The following STAG1 variants were observed in gnomAD, a reference collection of about 807,000 sequenced individuals.
STAG1 encodes STAG1 cohesin complex component, also known as cohesin subunit SA-1.
In STAG1, 26 loss-of-function variants were observed where a neutral mutation model predicts 170.9. That is an observed-to-expected ratio of 0.15 (90% CI 0.11 to 0.21). The LOEUF is 0.21. STAG1 is among the 10% of genes least tolerant of loss of function. STAG1 has a pLI of 1.00. For synonymous variants in STAG1, 514 were observed against 497.7 expected (o/e 1.03, Z -0.44); for missense variants, 964 against 1,509.5 (o/e 0.64, Z 5.99).
intron 1 of STAG1, among the ~76,000 whole-genome samples, chr3:136,681,800 G>GA (rs891849859): frequency 2.0e-5 from 3 of 151,000 alleles, no homozygotes; most frequent in African/African-American, 2.4e-5. Flanking sequence ...CTCAATGCAG[G>GA]AAAAAAAATG....
chr3:136,692,038 G>A (rs1942742897), intron 1 of STAG1, among the ~76,000 whole-genome samples: 2 of 152,178 alleles, frequency 1.3e-5, no homozygotes, highest in Admixed American at 6.5e-5. Flanking sequence ...ATTACAGCCA[G>A]GGGCAGTGGC....
chr3:136,732,533 C>G (rs907715828), intron 1 of STAG1, among the ~76,000 whole-genome samples: 1 of 152,172 alleles, frequency 6.6e-6, no homozygotes, highest in African/African-American at 2.4e-5. Flanking sequence ...AATATGTTTA[C>G]TAAAAAGCAG....
chr3:136,338,623 CAG>C (rs927755103), intron 32 of STAG1, among the ~76,000 whole-genome samples, 173 bp from the exon 33 acceptor site: 12 of 152,248 alleles, frequency 7.9e-5, no homozygotes, highest in East Asian at 1.9e-4. Flanking sequence ...TAAAAACAAA[CAG>C]TACTTTTGGC....
chr3:136,675,045 A>C (rs941759008), intron 1 of STAG1, among the ~76,000 whole-genome samples: 1 of 152,222 alleles, frequency 6.6e-6, no homozygotes, highest in Non-Finnish European at 1.5e-5. Context: ...AAAAGTATTC[A>C]AGTTGGTTTC....
chr3:136,596,894 G>A (rs1489981655), intron 4 of STAG1, among the ~76,000 whole-genome samples: 1 of 152,068 alleles, frequency 6.6e-6, no homozygotes, highest in Non-Finnish European at 1.5e-5. Context: ...CCAACATAGG[G>A]AAACCTTGTC....
chr3:136,697,823 T>C lies in STAG1; in HGVS notation c.-84+54372A>G, dbSNP rs564301156. On this transcript the variant is annotated intron_variant, in intron 1 of 33. Transcript: ENST00000383202. The stretch of plus-strand genomic sequence containing the variant: ...GAGATTAAAACATCTTCAGCCTGAT[T>C]ACATTCCCAGGAAGTGTATCTTGTG... 6.6e-5 allele frequency among the ~76,000 whole-genome samples: 10 copies of C among 152,340 alleles called. No homozygotes were observed. In the South Asian group the frequency reaches 2.1e-3, roughly 32 times the overall value.
intron 6 of STAG1, among the ~76,000 whole-genome samples, chr3:136,528,957 A>G (rs566408762): frequency 6.6e-6 from 1 of 151,954 alleles, no homozygotes. Context: ...ACAAAACAAA[A>G]AAAAACAGAA....
At chr3:136,472,359 G>A (rs2089648308) in intron 12 of STAG1, 54 bp downstream of exon 12, 2 of 1,325,942 alleles carry the variant, frequency 1.5e-6, no homozygotes, top group Non-Finnish European at 2.1e-6. Flanking sequence ...AAAAATCCTG[G>A]GGAAAAGGTA....
chr3:136,516,654 A>C (rs1444061585), intron 7 of STAG1, among the ~76,000 whole-genome samples: 1 of 152,218 alleles, frequency 6.6e-6, no homozygotes, highest in African/African-American at 2.4e-5. Flanking sequence ...AGAACAAGCA[A>C]ATCAATAAAT....
intron 12 of STAG1, among the ~76,000 whole-genome samples, chr3:136,466,419 T>C (rs1228214117): frequency 6.6e-6 from 1 of 151,984 alleles, no homozygotes; most frequent in Non-Finnish European, 1.5e-5. Flanking sequence ...GAAGATCAAA[T>C]GAATGAAATG....
intron 13 of STAG1, 98 bp downstream of exon 13, chr3:136,464,783 C>A (rs1395948944): frequency 2.1e-6 from 2 of 936,142 alleles, no homozygotes; most frequent in Non-Finnish European, 3.2e-6. Flanking sequence ...ACATTTTCAG[C>A]ACTGTGTTCA....
At chr3:136,396,066 C>G (rs138275100) in intron 22 of STAG1, among the ~76,000 whole-genome samples, 60 of 152,264 alleles carry the variant, frequency 3.9e-4, no homozygotes, top group Non-Finnish European at 6.6e-4. Flanking sequence ...TGATGCCCAG[C>G]TAACTTTGTA....
intron 5 of STAG1, among the ~76,000 whole-genome samples, chr3:136,555,172 G>C (rs541863596): frequency 5.4e-5 from 8 of 149,328 alleles, no homozygotes; most frequent in Non-Finnish European, 8.9e-5. Context: ...TTAAAATTTA[G>C]ATAAAATGGA....
At chr3:136,636,378 T>A (rs1940560764) in intron 1 of STAG1, among the ~76,000 whole-genome samples, 1 of 152,218 alleles carries the variant, frequency 6.6e-6, no homozygotes, top group South Asian at 2.1e-4. Context: ...ACAATGATGT[T>A]ATTTGTGAAG....
chr3:136,631,645 C>A (rs926239282), intron 1 of STAG1, among the ~76,000 whole-genome samples: 1 of 152,124 alleles, frequency 6.6e-6, no homozygotes, highest in Non-Finnish European at 1.5e-5. Flanking sequence ...AGGCTGTGCA[C>A]GTGTAGGGAC....
chr3:136,751,356 G>C (rs552392248), intron 1 of STAG1, among the ~76,000 whole-genome samples: 1 of 152,092 alleles, frequency 6.6e-6, no homozygotes, highest in Non-Finnish European at 1.5e-5. Context: ...CATACAAGAA[G>C]AACCCAGTTC....
At chr3:136,673,532 G>T (rs928152767) in intron 1 of STAG1, among the ~76,000 whole-genome samples, 1 of 152,136 alleles carries the variant, frequency 6.6e-6, no homozygotes, top group East Asian at 1.9e-4. Flanking sequence ...TTGATGTGTG[G>T]TTTGAAAAAC....
chr3:136,534,030 C>A (rs74648298), intron 6 of STAG1, among the ~76,000 whole-genome samples: 1 of 152,052 alleles, frequency 6.6e-6, no homozygotes, highest in East Asian at 1.9e-4. Flanking sequence ...TATTCGCCAA[C>A]AGAACAAAGT....
chr3:136,345,292 T>G (rs1239280728), intron 29 of STAG1, among the ~76,000 whole-genome samples: 2 of 152,108 alleles, frequency 1.3e-5, no homozygotes, highest in Non-Finnish European at 2.9e-5. Context: ...TTTCACCATG[T>G]TGGCCAGGCT....
Sources: allele counts gnomAD v4.1 joint callset (sites outside exome capture counted in the v4.1 genomes callset), GRCh38; gene constraint gnomAD v4.1.1; transcripts MANE v1.5; gene names NCBI Gene and HGNC (gene_info 2026-07-23, HGNC 2026-07-21).